The following DCC variants were observed in gnomAD, a reference collection of about 807,000 sequenced individuals.
DCC encodes the protein netrin receptor DCC.
DCC carries 58 observed loss-of-function variants against 172.5 expected under a neutral mutation model. That is an observed-to-expected ratio of 0.34 (90% CI 0.27 to 0.42). The LOEUF (loss-of-function observed/expected upper bound fraction) is 0.42. DCC is among the 10% of genes least tolerant of loss of function. The pLI is 1.00. For synonymous variants in DCC, 709 were observed against 644.5 expected (o/e 1.10, Z -1.52); for missense variants, 1,740 against 1,791.0 (o/e 0.97, Z 0.51).
intron 17 of DCC, among the ~76,000 whole-genome samples, chr18:53,393,993 C>T (rs1254491875): frequency 6.8e-6 from 1 of 147,690 alleles, no homozygotes; most frequent in Non-Finnish European, 1.5e-5. Context: ...AGATATAAAA[C>T]AAATTTAAAT....
chr18:53,315,532 C>T (rs570226610), intron 13 of DCC, among the ~76,000 whole-genome samples: 15 of 152,136 alleles, frequency 9.9e-5, no homozygotes, highest in East Asian at 3.9e-4. Context: ...CTTGAGGAAT[C>T]GCCACACTGT....
intron 2 of DCC, among the ~76,000 whole-genome samples, chr18:52,832,004 G>T (rs2038623046): frequency 6.6e-6 from 1 of 152,152 alleles, no homozygotes; most frequent in Admixed American, 6.5e-5. Flanking sequence ...TCAGAATTCA[G>T]CTTCGTACCT....
intron 3 of DCC, among the ~76,000 whole-genome samples, chr18:52,914,471 A>G (rs1259759890): frequency 6.6e-6 from 1 of 152,206 alleles, no homozygotes; most frequent in Non-Finnish European, 1.5e-5. Context: ...GTAAATGAGG[A>G]AGGAAAATAA....
intron 2 of DCC, among the ~76,000 whole-genome samples, chr18:52,841,977 G>C (rs1284931616): frequency 2.1e-5 from 3 of 146,228 alleles, no homozygotes; most frequent in Non-Finnish European, 4.5e-5. Context: ...TAAAGTTTGA[G>C]GATATTCCAG....
At chr18:52,350,001 A>C (rs1291851803) in intron 1 of DCC, among the ~76,000 whole-genome samples, 1 of 152,172 alleles carries the variant, frequency 6.6e-6, no homozygotes, top group Non-Finnish European at 1.5e-5. Context: ...AGCCATAGAC[A>C]AACATATGGT....
intron 1 of DCC, among the ~76,000 whole-genome samples, chr18:52,483,405 A>G (rs1401477070): frequency 2.0e-5 from 3 of 152,100 alleles, no homozygotes; most frequent in Non-Finnish European, 4.4e-5. Flanking sequence ...TAGTTGGAGA[A>G]AAATTTACCT....
chr18:52,782,470 C>T (rs28407519), intron 2 of DCC, among the ~76,000 whole-genome samples: 8,022 of 152,060 alleles, frequency 0.053, 285 homozygotes, highest in South Asian at 0.16. Flanking sequence ...TATATTGGAC[C>T]TACCCTAAGA....
chr18:53,392,814 C>T (rs1162165503), intron 17 of DCC, among the ~76,000 whole-genome samples: 1 of 152,068 alleles, frequency 6.6e-6, no homozygotes, highest in African/African-American at 2.4e-5. Flanking sequence ...ACACTCAGCT[C>T]TATGGATAAA....
At chr18:52,856,782 C>A (rs575373981) in intron 2 of DCC, among the ~76,000 whole-genome samples, 1 of 152,070 alleles carries the variant, frequency 6.6e-6, no homozygotes, top group Admixed American at 6.6e-5. Flanking sequence ...AGCTTTGTTA[C>A]AATAGTCAGC....
At chr18:53,451,275 G>C (rs949040686) in intron 23 of DCC, among the ~76,000 whole-genome samples, 10 of 152,198 alleles carry the variant, frequency 6.6e-5, no homozygotes, top group African/African-American at 1.7e-4. Flanking sequence ...ATATTATGCA[G>C]CTTTAGGTTC....
intron 1 of DCC, among the ~76,000 whole-genome samples, chr18:52,388,340 G>T (rs1196405709): frequency 1.3e-5 from 2 of 151,420 alleles, no homozygotes; most frequent in South Asian, 2.1e-4. Context: ...GTAATTTGTT[G>T]CTTTGTAGCC....
intron 12 of DCC, among the ~76,000 whole-genome samples, chr18:53,271,657 G>A (rs1334946735): frequency 6.6e-6 from 1 of 152,254 alleles, no homozygotes; most frequent in Middle Eastern, 3.4e-3. Flanking sequence ...GCAAGACAGG[G>A]AAACTCAAGC....
At chr18:52,814,259 GAGCC>G (rs1256906167) in intron 2 of DCC, among the ~76,000 whole-genome samples, 2 of 152,298 alleles carry the variant, frequency 1.3e-5, no homozygotes, top group South Asian at 2.1e-4. Context: ...AAAATATTGG[GAGCC>G]AGCCAGTCTG....
intron 1 of DCC, among the ~76,000 whole-genome samples, chr18:52,610,826 T>C (rs1295816753): frequency 6.7e-6 from 1 of 149,572 alleles, no homozygotes; most frequent in Non-Finnish European, 1.5e-5. Context: ...CTTCTTTTGA[T>C]TTTTTTTCTA....
At position 52,923,944 on chromosome 18, in the gene DCC, C is replaced by T. The variant is rs1036365099; in HGVS notation, c.848+87C>T. 4.3e-6 allele frequency: 4 copies of T among 939,262 alleles called. No individual in the cohort carries two copies. In the African/African-American group the frequency reaches 4.9e-5, roughly 11 times the overall value. 58.2% of individuals were successfully genotyped at this position (939,262 alleles called of 1,614,324 possible). ...TATTTCTCTAATTTGATATAAGTAC[C>T]TACAGTACTAGGGTTTTTCATAATA... On this transcript the variant is annotated intron_variant, in intron 4 of 28. Transcript: ENST00000442544.
chr18:52,593,657 C>A (rs2144802491), intron 1 of DCC, among the ~76,000 whole-genome samples: 1 of 152,278 alleles, frequency 6.6e-6, no homozygotes, highest in Middle Eastern at 3.4e-3. Context: ...GTTTCATCAG[C>A]CTCACGACAA....
intron 2 of DCC, among the ~76,000 whole-genome samples, chr18:52,868,033 G>GTGTATATA (rs34439277): frequency 3.8e-4 from 46 of 120,468 alleles, no homozygotes; most frequent in Middle Eastern, 4.8e-3. Context: ...GTGTATGTGT[G>GTGTATATA]TATATATATA....
chr18:52,961,349 G>T lies in DCC; in HGVS notation c.985+35979G>T, dbSNP rs142197589. Among the ~76,000 whole-genome samples the T allele has an allele frequency of 3.6e-3, 553 of 152,178 alleles. 2 individuals carry two copies. The highest frequency in any genetic ancestry group is 0.013 in the African/African-American group (528 of 41,522). ...CATTGTGCACTAAGACACAATGATA[G>T]CACTGATTCTGAGATCTGGCAAAAC... On this transcript the variant is annotated intron_variant, in intron 5 of 28. Coordinates refer to ENST00000442544, the MANE Select transcript of DCC (RefSeq NM_005215.4).
At position 52,504,728 on chromosome 18, in the gene DCC, TC is replaced by T. The variant is rs1273292020; in HGVS notation, c.91+163856del. On this transcript the variant is annotated intron_variant, in intron 1 of 28. Transcript: ENST00000442544. The stretch of plus-strand genomic sequence containing the variant: ...TGTTACCACACTCTCTCCTCCTGCT[TC>T]CCCCCTCAACTTCTTCCTATGCTCT... Among the ~76,000 whole-genome samples, 7 of 151,700 alleles carry T rather than the reference TC, an allele frequency of 4.6e-5. No individual in the cohort carries two copies. In the South Asian group the frequency reaches 6.3e-4, roughly 14 times the overall value.
Sources: gnomAD v4.1 joint callset for allele counts (sites outside exome capture counted in the v4.1 genomes callset) on GRCh38, gnomAD v4.1.1 for gene constraint, MANE v1.5 for transcripts, NCBI Gene and HGNC (gene_info 2026-07-23, HGNC 2026-07-21) for gene names.